CBFA2T2: variants seen among roughly 807,000 people sequenced by gnomAD.
The protein encoded by CBFA2T2 is protein CBFA2T2.
A neutral mutation model predicts 62.2 loss-of-function variants in CBFA2T2; 11 were observed. That is an observed-to-expected ratio of 0.18 (90% CI 0.11 to 0.29). The LOEUF is 0.29. Among genes scored for constraint, CBFA2T2 ranks in the 10% least tolerant of loss-of-function variants. CBFA2T2 has a pLI of 1.00. For synonymous variants in CBFA2T2, 295 were observed against 287.5 expected (o/e 1.03, Z -0.27); for missense variants, 592 against 774.1 (o/e 0.76, Z 2.79).
intron 7 of CBFA2T2, 73 bp from the exon 8 acceptor site, chr20:33,629,646 G>C (rs768037540): frequency 6.7e-6 from 9 of 1,348,762 alleles, no homozygotes; most frequent in Non-Finnish European, 9.2e-6. Context: ...CTCATATTGC[G>C]TTGGCCTGAT....
chr20:33,536,983 A>G (rs1231010353), intron 1 of CBFA2T2, among the ~76,000 whole-genome samples: 1 of 148,572 alleles, frequency 6.7e-6, no homozygotes, highest in Non-Finnish European at 1.5e-5. Context: ...GGCCGGGAAG[A>G]GGCGCTCCTC....
intron 1 of CBFA2T2, among the ~76,000 whole-genome samples, chr20:33,554,166 T>C (rs1311723552): frequency 6.6e-6 from 1 of 152,142 alleles, no homozygotes; most frequent in Non-Finnish European, 1.5e-5. Flanking sequence ...TCCAGGTTGC[T>C]GTTTGCAGAA....
chr20:33,531,457 T>G (rs571046223), intron 1 of CBFA2T2, among the ~76,000 whole-genome samples: 1 of 152,218 alleles, frequency 6.6e-6, no homozygotes, highest in African/African-American at 2.4e-5. Flanking sequence ...TTTGTTGGAT[T>G]ATTGCCCCAC....
At chr20:33,522,122 C>T (rs999146674) in intron 1 of CBFA2T2, among the ~76,000 whole-genome samples, 10 of 151,962 alleles carry the variant, frequency 6.6e-5, no homozygotes, top group Admixed American at 5.9e-4. Context: ...ATAGAGACTC[C>T]AGGGTCATAG....
chr20:33,619,648 C>T (rs758342335), intron 4 of CBFA2T2, 42 bp downstream of exon 4: 2 of 1,366,092 alleles, frequency 1.5e-6, no homozygotes, highest in African/African-American at 2.9e-5. Context: ...TTGAATATTT[C>T]CTCAAATTCT....
chr20:33,539,366 A>G (rs766707966), intron 1 of CBFA2T2, among the ~76,000 whole-genome samples: 2 of 152,214 alleles, frequency 1.3e-5, no homozygotes, highest in Non-Finnish European at 2.9e-5. Context: ...GCTTGTTTGC[A>G]TATCCTATTT....
chr20:33,540,173 ATG>A (rs2012375094), intron 1 of CBFA2T2, among the ~76,000 whole-genome samples: 1 of 152,226 alleles, frequency 6.6e-6, no homozygotes. Flanking sequence ...CATTTATTAA[ATG>A]TTTTTTAAAA....
intron 9 of CBFA2T2, among the ~76,000 whole-genome samples, 181 bp from the exon 10 acceptor site, chr20:33,640,160 C>T (rs910134763): frequency 6.6e-6 from 1 of 152,206 alleles, no homozygotes; most frequent in Non-Finnish European, 1.5e-5. Flanking sequence ...GTGCCCACCT[C>T]CATCTCCGTA....
chr20:33,619,447 A>AT, intron 3 of CBFA2T2, 70 bp from the exon 4 acceptor site: 2 of 730,296 alleles, frequency 2.7e-6, no homozygotes, highest in Non-Finnish European at 2.2e-6. Context: ...AAAAAAAAAA[A>AT]GAAGAGTTTG....
chr20:33,537,244 C>G lies in CBFA2T2; in HGVS notation c.34+46943C>G, dbSNP rs76405856. On this transcript the variant is annotated intron_variant, in intron 1 of 10. Coordinates refer to ENST00000342704, the MANE Select transcript of CBFA2T2 (RefSeq NM_001032999.3). ...CTCCGTCTGCAATCCCGGCACCTCGCGAGGCCGAGGCTGGCGGATCACTCG... is the reference window on the plus strand; with the variant it reads ...CTCCGTCTGCAATCCCGGCACCTCGGGAGGCCGAGGCTGGCGGATCACTCG... Among the ~76,000 whole-genome samples, 49 of 152,336 alleles carry G rather than the reference C, an allele frequency of 3.2e-4. No homozygotes were observed. The East Asian group carries it at 6.4e-3, about 20-fold the overall frequency.
At chr20:33,593,478 C>T (rs1323265274) in intron 1 of CBFA2T2, among the ~76,000 whole-genome samples, 3 of 143,390 alleles carry the variant, frequency 2.1e-5, no homozygotes, top group Non-Finnish European at 3.0e-5. Context: ...CTGCAACCTT[C>T]GCCTCCTGGG....
chr20:33,509,281 C>T (rs1170332675), intron 1 of CBFA2T2, among the ~76,000 whole-genome samples: 1 of 151,944 alleles, frequency 6.6e-6, no homozygotes, highest in East Asian at 1.9e-4. Flanking sequence ...GTAGGAGAAA[C>T]ACTTGAACTC....
chr20:33,518,881 G>C (rs775929335), intron 1 of CBFA2T2, among the ~76,000 whole-genome samples: 12 of 151,886 alleles, frequency 7.9e-5, no homozygotes, highest in Non-Finnish European at 1.5e-4. Context: ...GAATGCACTG[G>C]AGCGATCTTG....
intron 1 of CBFA2T2, among the ~76,000 whole-genome samples, chr20:33,546,775 G>A (rs1161365580): frequency 1.3e-5 from 2 of 151,864 alleles, no homozygotes; most frequent in African/African-American, 4.8e-5. Flanking sequence ...GATTACAGGC[G>A]TGAGCCACTG....
At chr20:33,506,959 C>T (rs1172113085) in intron 1 of CBFA2T2, among the ~76,000 whole-genome samples, 3 of 152,146 alleles carry the variant, frequency 2.0e-5, no homozygotes, top group Non-Finnish European at 4.4e-5. Flanking sequence ...ATTTGGAATA[C>T]TGAAATCAAT....
intron 1 of CBFA2T2, among the ~76,000 whole-genome samples, chr20:33,564,790 G>T (rs930243967): frequency 6.6e-6 from 1 of 151,784 alleles, no homozygotes; most frequent in Non-Finnish European, 1.5e-5. Context: ...ATGTTGCCCA[G>T]GCTTGTCTCA....
At chr20:33,570,518 T>G (rs1414771338) in intron 1 of CBFA2T2, among the ~76,000 whole-genome samples, 1 of 151,960 alleles carries the variant, frequency 6.6e-6, no homozygotes, top group Non-Finnish European at 1.5e-5. Flanking sequence ...GAGTTGAGAT[T>G]TGAAACAGAG....
chr20:33,620,218 C>T (rs2015892271), intron 4 of CBFA2T2, among the ~76,000 whole-genome samples: 1 of 152,054 alleles, frequency 6.6e-6, no homozygotes, highest in South Asian at 2.1e-4. Context: ...ATCTTCTAAA[C>T]AGCTTTTGGC....
At chr20:33,563,108 G>T (rs1186361642) in intron 1 of CBFA2T2, among the ~76,000 whole-genome samples, 1 of 152,102 alleles carries the variant, frequency 6.6e-6, no homozygotes, top group East Asian at 1.9e-4. Context: ...GTATATGCAG[G>T]CAAATTATAA....
Sources: gnomAD v4.1 joint callset for allele counts (sites outside exome capture counted in the v4.1 genomes callset) on GRCh38, gnomAD v4.1.1 for gene constraint, MANE v1.5 for transcripts, NCBI Gene and HGNC (gene_info 2026-07-23, HGNC 2026-07-21) for gene names.